Variants in STAC observed in about 807,000 individuals in gnomAD.
STAC encodes SH3 and cysteine rich domain.
A neutral mutation model predicts 48.8 loss-of-function variants in STAC; 43 were observed. The ratio of observed to expected loss-of-function variants is 0.88; its 90% CI spans 0.69 to 1.14. The LOEUF (loss-of-function observed/expected upper bound fraction) is 1.14. Ranked by LOEUF, STAC falls within the 50% of genes most tolerant of loss-of-function variation. The probability of loss-of-function intolerance (pLI) is 0.00; values close to 1 mark genes in which losing one functional copy is unlikely to be tolerated. For missense variants in STAC, 497 were observed against 504.0 expected, an observed-to-expected ratio of 0.99 and a Z score of 0.13; for synonymous variants, 193 against 179.5, an observed-to-expected ratio of 1.07 and a Z score of -0.60.
intron 6 of STAC, among the ~76,000 whole-genome samples, chr3:36,498,057 G>A (rs1363739490): frequency 1.3e-5 from 2 of 152,128 alleles, no homozygotes; most frequent in Non-Finnish European, 2.9e-5. Flanking sequence ...GAGCCGTGAT[G>A]AGTAAGTATT....
At chr3:36,495,915 G>T (rs1698142284) in intron 6 of STAC, among the ~76,000 whole-genome samples, 1 of 152,188 alleles carries the variant, frequency 6.6e-6, no homozygotes, top group African/African-American at 2.4e-5. Context: ...ATCAGGATCT[G>T]CATATGAATC....
chr3:36,525,923 C>T (rs929454879), intron 8 of STAC, among the ~76,000 whole-genome samples: 8 of 152,190 alleles, frequency 5.3e-5, no homozygotes, highest in African/African-American at 1.9e-4. Flanking sequence ...GAGATTGGAT[C>T]AGAATAGCAA....
intron 1 of STAC, among the ~76,000 whole-genome samples, chr3:36,421,594 C>A (rs974561600): frequency 2.0e-5 from 3 of 152,110 alleles, no homozygotes; most frequent in Non-Finnish European, 4.4e-5. Flanking sequence ...CTTCATTTAA[C>A]CCAGAAGCTC....
chr3:36,422,751 A>G (rs1310237401), intron 1 of STAC, among the ~76,000 whole-genome samples: 1 of 152,152 alleles, frequency 6.6e-6, no homozygotes, highest in African/African-American at 2.4e-5. Context: ...ATTTTTACCT[A>G]TGTAATCAGC....
intron 5 of STAC, among the ~76,000 whole-genome samples, chr3:36,492,579 T>C (rs1199884044): frequency 1.3e-5 from 2 of 152,214 alleles, no homozygotes. Flanking sequence ...GAGTGTGTTA[T>C]TGTTATTATT....
At chr3:36,480,995 T>C (rs1247608392) in intron 2 of STAC, among the ~76,000 whole-genome samples, 1 of 152,010 alleles carries the variant, frequency 6.6e-6, no homozygotes, top group East Asian at 1.9e-4. Flanking sequence ...CCACAGAGTG[T>C]TGGGAGAAAA....
At chr3:36,448,121 G>A (rs924934206) in intron 2 of STAC, among the ~76,000 whole-genome samples, 44 of 151,710 alleles carry the variant, frequency 2.9e-4, no homozygotes, top group African/African-American at 9.5e-4. Context: ...TGCACATTCG[G>A]CCCACTTGAA....
intron 2 of STAC, among the ~76,000 whole-genome samples, chr3:36,450,422 C>T (rs1054793084): frequency 6.6e-6 from 1 of 152,218 alleles, no homozygotes; most frequent in South Asian, 2.1e-4. Flanking sequence ...CCTCATCTGT[C>T]ATCTTTCTCT....
In STAC at chr3:36,443,509, T is replaced by C; in HGVS notation, c.257T>C (p.Leu86Pro). The C allele has an allele frequency of 6.2e-7, 1 of 1,614,166 alleles. No homozygotes were observed. Among genetic ancestry groups the C allele is most frequent in the African/African-American group, 1.3e-5 (1 of 75,044 alleles). The change falls in exon 2 of 11, where the codon CTC becomes CCC. Residue 86 changes from leucine (L) to proline (P), a missense_variant. Physicochemically the swap from Leu to Pro is moderately conservative, Grantham distance 98. Coordinates refer to ENST00000273183, the MANE Select transcript of STAC (RefSeq NM_003149.3). This position sits in a 1 kb window ranked among gnomAD's most constrained non-coding sequence, Gnocchi z 4.2. ...VAEISPSSSPLPAPGSLTSTP... is the reference protein window; with the variant it reads ...VAEISPSSSPPPAPGSLTSTP... The stretch of plus-strand genomic sequence containing the variant: ...GAGATCAGCCCCAGCTCCAGCCCAC[T>C]CCCTGCTCCAGGAAGCCTGACGTCC...
intron 8 of STAC, among the ~76,000 whole-genome samples, chr3:36,516,090 T>C (rs1224629396): frequency 1.3e-5 from 2 of 149,056 alleles, no homozygotes; most frequent in Non-Finnish European, 3.0e-5. Flanking sequence ...TTCAAGTGAT[T>C]CTCCTGCCTC....
chr3:36,518,826 C>T (rs549786793), intron 8 of STAC, among the ~76,000 whole-genome samples: 1 of 152,298 alleles, frequency 6.6e-6, no homozygotes, highest in East Asian at 1.9e-4. Flanking sequence ...TTCATCTATT[C>T]ACCTCTCATC....
chr3:36,525,378 G>A (rs537807911), intron 8 of STAC, among the ~76,000 whole-genome samples: 1 of 152,252 alleles, frequency 6.6e-6, no homozygotes, highest in East Asian at 1.9e-4. Context: ...TTATCCCAGT[G>A]AGTGCCTTAT....
intron 10 of STAC, among the ~76,000 whole-genome samples, chr3:36,534,503 C>A (rs376619469): frequency 6.6e-6 from 1 of 152,038 alleles, no homozygotes; most frequent in African/African-American, 2.4e-5. Context: ...AAATTTGATT[C>A]TAAAGATAAA....
rs1559533882 is a variant in STAC at position 36,546,553 on chromosome 3, G to A, written c.*264G>A. On this transcript the variant is annotated 3_prime_UTR_variant, in exon 11 of 11. Transcript: ENST00000273183. ...ATGCCATGCTTGGCAGCAGCAGTAG[G>A]ACTATAAACCACAGCTGTCCCCCAG... 1 of 535,306 alleles carries A rather than the reference G, an allele frequency of 1.9e-6. No homozygotes were observed. The highest frequency in any genetic ancestry group is 3.0e-5 in the East Asian group (1 of 33,132). The allele number at this position is 535,306 out of a possible 1,614,324, so 33.2% of individuals were successfully genotyped here.
At chr3:36,452,870 G>A (rs917140045) in intron 2 of STAC, among the ~76,000 whole-genome samples, 1 of 152,174 alleles carries the variant, frequency 6.6e-6, no homozygotes, top group Non-Finnish European at 1.5e-5. Flanking sequence ...AAGGCCTGTG[G>A]GGCCTCCTTC....
rs185072170 is a variant in STAC at position 36,525,943 on chromosome 3, G to A, written c.921-2753G>A. 3.3e-5 allele frequency among the ~76,000 whole-genome samples: 5 copies of A among 152,266 alleles called. No individual in the cohort carries two copies. In the East Asian group the frequency reaches 5.8e-4, roughly 18 times the overall value. ...TGGATCAGAATAGCAAAATGAATAC[G>A]CAAATCTACTTTTGCTCCAATTCCT... On this transcript the variant is annotated intron_variant, in intron 8 of 10. Transcript: ENST00000273183.
At chr3:36,521,099 G>T (rs754495840) in intron 8 of STAC, among the ~76,000 whole-genome samples, 1 of 151,938 alleles carries the variant, frequency 6.6e-6, no homozygotes, top group Non-Finnish European at 1.5e-5. Context: ...GAGCCATTTG[G>T]CTGGCTCCTT....
At chr3:36,451,833 A>G (rs1696692571) in intron 2 of STAC, among the ~76,000 whole-genome samples, 2 of 152,138 alleles carry the variant, frequency 1.3e-5, no homozygotes, top group Admixed American at 1.3e-4. Context: ...TCAGTTGTTC[A>G]AAGTTTATTT....
At chr3:36,516,313 G>C (rs1432888397) in intron 8 of STAC, among the ~76,000 whole-genome samples, 2 of 151,870 alleles carry the variant, frequency 1.3e-5, no homozygotes, top group East Asian at 1.9e-4. Flanking sequence ...AGTGAGCTTA[G>C]AGTCCTGAGA....
Sources: gnomAD v4.1 joint callset for allele counts (sites outside exome capture counted in the v4.1 genomes callset) on GRCh38, gnomAD v4.1.1 for gene constraint, Gnocchi (gnomAD v3.1) non-coding constraint, MANE v1.5 for transcripts, NCBI Gene and HGNC (gene_info 2026-07-23, HGNC 2026-07-21) for gene names.